LRMDA: variants seen among roughly 807,000 people sequenced by gnomAD.
LRMDA encodes leucine-rich melanocyte differentiation-associated protein.
A neutral mutation model predicts 29.8 loss-of-function variants in LRMDA; 18 were observed. The observed-to-expected ratio is 0.60, with a 90% confidence interval of 0.42 to 0.90. The LOEUF (loss-of-function observed/expected upper bound fraction) is 0.90. LRMDA is among the 40% of genes least tolerant of loss of function. LRMDA has a pLI of 0.00. For synonymous variants in LRMDA, 125 were observed against 109.4 expected (o/e 1.14, Z -0.89); for missense variants, 273 against 273.9 (o/e 1.00, Z 0.02).
intron 2 of LRMDA, among the ~76,000 whole-genome samples, chr10:75,826,364 G>A (rs1308390547): frequency 6.6e-6 from 1 of 152,022 alleles, no homozygotes; most frequent in African/African-American, 2.4e-5. Flanking sequence ...CTACCTTTCT[G>A]CTTGTGTGTG....
At chr10:76,135,651 AT>A (rs763193117) in intron 5 of LRMDA, among the ~76,000 whole-genome samples, 1 of 151,750 alleles carries the variant, frequency 6.6e-6, no homozygotes, top group Non-Finnish European at 1.5e-5. Flanking sequence ...AATCTATTCC[AT>A]TCCTGTCTCC....
At chr10:75,919,474 G>A (rs1157225524) in intron 2 of LRMDA, among the ~76,000 whole-genome samples, 1 of 152,148 alleles carries the variant, frequency 6.6e-6, no homozygotes, top group Non-Finnish European at 1.5e-5. Flanking sequence ...GCCACTCGTT[G>A]AGCTGTGTGT....
At chr10:75,568,249 T>C (rs1840397820) in intron 2 of LRMDA, among the ~76,000 whole-genome samples, 1 of 152,210 alleles carries the variant, frequency 6.6e-6, no homozygotes. Context: ...TTTAGCACAA[T>C]GTTTTGCTCA....
chr10:76,127,616 T>G lies in LRMDA; in HGVS notation c.516+68833T>G, dbSNP rs577338976. 3.3e-5 allele frequency among the ~76,000 whole-genome samples: 5 copies of G among 151,814 alleles called. No homozygotes were observed. In the East Asian group the frequency reaches 7.8e-4, roughly 24 times the overall value. On this transcript the variant is annotated intron_variant, in intron 5 of 6. Coordinates refer to ENST00000611255, the MANE Select transcript of LRMDA (RefSeq NM_001305581.2). ...AACTAAGGTGAATGTTTGGCAAGAC[T>G]CAGTGTGTTTTAGTTTTTTGAATAC...
At chr10:75,552,058 C>A (rs1840157085) in intron 2 of LRMDA, among the ~76,000 whole-genome samples, 1 of 151,498 alleles carries the variant, frequency 6.6e-6, no homozygotes, top group South Asian at 2.1e-4. Context: ...CAGAGTTAGA[C>A]CGTGTCTCTA....
chr10:75,752,502 G>A (rs755507835), intron 2 of LRMDA, among the ~76,000 whole-genome samples: 9 of 152,120 alleles, frequency 5.9e-5, no homozygotes, highest in East Asian at 1.9e-4. Flanking sequence ...GAACCACCAC[G>A]CCCAGCCAAT....
intron 5 of LRMDA, among the ~76,000 whole-genome samples, chr10:76,289,420 T>C (rs1195301295): frequency 2.0e-5 from 3 of 152,218 alleles, no homozygotes; most frequent in Non-Finnish European, 2.9e-5. Flanking sequence ...GTTATTTTTT[T>C]CAACATCTCC....
chr10:75,778,311 C>T (rs1007946717), intron 2 of LRMDA, among the ~76,000 whole-genome samples: 5 of 152,150 alleles, frequency 3.3e-5, no homozygotes, highest in African/African-American at 1.2e-4. Context: ...CTCCTGGCCT[C>T]AAGTGATCCT....
chr10:76,325,157 GA>G (rs753839239), intron 6 of LRMDA, among the ~76,000 whole-genome samples: 8 of 152,204 alleles, frequency 5.3e-5, no homozygotes, highest in Non-Finnish European at 1.2e-4. Context: ...ACGTAAAGGT[GA>G]AAGTGAACAG....
At chr10:75,852,727 G>A (rs1230641320) in intron 2 of LRMDA, among the ~76,000 whole-genome samples, 1 of 152,116 alleles carries the variant, frequency 6.6e-6, no homozygotes, top group East Asian at 1.9e-4. Flanking sequence ...GGCTTGTGGA[G>A]GTGAAGACAG....
chr10:76,438,136 G>GTT (rs1469975449), intron 6 of LRMDA, among the ~76,000 whole-genome samples: 1 of 152,152 alleles, frequency 6.6e-6, no homozygotes, highest in African/African-American at 2.4e-5. Context: ...TGGCATCTGT[G>GTT]CTTTTCACAT....
chr10:76,007,816 T>C (rs1847699631), intron 2 of LRMDA, among the ~76,000 whole-genome samples: 2 of 152,122 alleles, frequency 1.3e-5, no homozygotes, highest in Admixed American at 1.3e-4. Flanking sequence ...GCCGAGGCCG[T>C]CTTTGTGATG....
intron 6 of LRMDA, among the ~76,000 whole-genome samples, chr10:76,448,826 TCTC>T (rs60033539): frequency 0.24 from 36,435 of 151,666 alleles, 5,245 homozygotes; most frequent in Non-Finnish European, 0.33. Context: ...ATTTTAGTAA[TCTC>T]CTGTCAATTC....
chr10:76,434,704 A>C (rs919025347), intron 6 of LRMDA, among the ~76,000 whole-genome samples: 1 of 152,190 alleles, frequency 6.6e-6, no homozygotes, highest in Non-Finnish European at 1.5e-5. Flanking sequence ...ACAACAATAA[A>C]TGAGCTTTCC....
At chr10:76,380,198 T>C (rs1343828215) in intron 6 of LRMDA, among the ~76,000 whole-genome samples, 2 of 152,198 alleles carry the variant, frequency 1.3e-5, no homozygotes, top group Admixed American at 6.5e-5. Flanking sequence ...TTGGGTAGAA[T>C]GTTCTGTAAA....
chr10:76,138,211 A>G (rs1850132854), intron 5 of LRMDA, among the ~76,000 whole-genome samples: 1 of 152,118 alleles, frequency 6.6e-6, no homozygotes, highest in Non-Finnish European at 1.5e-5. Flanking sequence ...TTTTCCCCCC[A>G]GTGTACCCCT....
intron 2 of LRMDA, among the ~76,000 whole-genome samples, chr10:75,930,084 TA>T (rs1163018557): frequency 3.9e-5 from 6 of 152,208 alleles, no homozygotes; most frequent in African/African-American, 1.4e-4. Flanking sequence ...GAGAGGCTTT[TA>T]TTCTGAAGAA....
At chr10:75,803,439 C>A (rs1055513305) in intron 2 of LRMDA, among the ~76,000 whole-genome samples, 3 of 152,202 alleles carry the variant, frequency 2.0e-5, no homozygotes, top group African/African-American at 7.2e-5. Flanking sequence ...GGTAACAAGT[C>A]CTGCCGGGAG....
chr10:75,638,721 A>T (rs546873701), intron 2 of LRMDA, among the ~76,000 whole-genome samples: 1 of 152,342 alleles, frequency 6.6e-6, no homozygotes, highest in South Asian at 2.1e-4. Context: ...AAAATATATC[A>T]CTGTAAAATA....
Sources: gnomAD v4.1 joint callset for allele counts (sites outside exome capture counted in the v4.1 genomes callset) on GRCh38, gnomAD v4.1.1 for gene constraint, MANE v1.5 for transcripts, NCBI Gene and HGNC (gene_info 2026-07-23, HGNC 2026-07-21) for gene names.